TET2: variants seen among roughly 807,000 people sequenced by gnomAD.
TET2 encodes the protein tet methylcytosine dioxygenase 2.
In TET2, 299 loss-of-function variants were observed where a neutral mutation model predicts 142.9. The ratio of observed to expected loss-of-function variants is 2.09; its 90% confidence interval spans 1.90 to 2.30. The LOEUF (loss-of-function observed/expected upper bound fraction) is 2.30. TET2 is among the 30% of genes most tolerant of loss of function. The pLI is 0.00. For missense variants in TET2, 2,418 were observed against 2,378.0 expected (o/e 1.02, Z -0.35); for synonymous variants, 819 against 849.0 (o/e 0.96, Z 0.61).
chr4:105,165,734 T>C (rs1203278127), intron 1 of TET2, among the ~76,000 whole-genome samples: 1 of 152,200 alleles, frequency 6.6e-6, no homozygotes, highest in Admixed American at 6.5e-5. Context: ...TTTAGGGAAA[T>C]ACAGAACACA....
At chr4:105,241,690 C>T (rs1017262790) in intron 4 of TET2, 68 of 1,272,022 alleles carry the variant, frequency 5.3e-5, no homozygotes, top group Non-Finnish European at 6.4e-5. Flanking sequence ...GAACAGGAAT[C>T]GGCCAGCCAG....
At chr4:105,223,151 T>C (rs151097076) in intron 2 of TET2, among the ~76,000 whole-genome samples, 3 of 152,256 alleles carry the variant, frequency 2.0e-5, no homozygotes, top group Admixed American at 2.0e-4. Context: ...TCTTCACAGA[T>C]TTTTAAATAT....
At chr4:105,219,181 A>T (rs566546605) in intron 2 of TET2, among the ~76,000 whole-genome samples, 1 of 152,206 alleles carries the variant, frequency 6.6e-6, no homozygotes, top group East Asian at 1.9e-4. Context: ...GTTTAATGGC[A>T]TCTCCATTAT....
intron 1 of TET2, among the ~76,000 whole-genome samples, chr4:105,179,438 TC>T (rs1724991664): frequency 1.3e-5 from 2 of 152,202 alleles, no homozygotes; most frequent in African/African-American, 4.8e-5. Context: ...TCAGTTGCCT[TC>T]ATTCAATGCC....
rs1163323186 is a variant in TET2 at position 105,275,124 on chromosome 4, C to CCAG, written c.4624_4626dup (p.Gln1542dup). The stretch of plus-strand genomic sequence containing the variant: ...CTCTACAGAAGCAGCCACCACAGCC[C>CCAG]CAGCAGCAGCAGAGACCCCAGCAGC... On this transcript the variant is annotated inframe_insertion, in exon 11 of 11. Transcript: ENST00000380013. The CCAG allele has an allele frequency of 6.4e-7, 1 of 1,551,390 alleles. No individual in the cohort carries two copies. Among genetic ancestry groups the CCAG allele is most frequent in the Non-Finnish European group, 8.7e-7 (1 of 1,146,834 alleles).
chr4:105,148,070 AC>A (rs1224592306), intron 1 of TET2, among the ~76,000 whole-genome samples: 1 of 151,870 alleles, frequency 6.6e-6, no homozygotes, highest in Admixed American at 6.6e-5. Context: ...ACACACACAC[AC>A]ACACACACAC....
chr4:105,155,445 G>T (rs1323485405), intron 1 of TET2, among the ~76,000 whole-genome samples: 4 of 152,242 alleles, frequency 2.6e-5, no homozygotes, highest in Admixed American at 2.0e-4. Context: ...ACAAATACCA[G>T]CAGAACTTCT....
intron 2 of TET2, among the ~76,000 whole-genome samples, chr4:105,225,812 A>T (rs185677314): frequency 6.6e-6 from 1 of 152,322 alleles, no homozygotes; most frequent in Non-Finnish European, 1.5e-5. Context: ...TCTGAGTGAC[A>T]TTATCAGGGG....
At chr4:105,167,362 GTA>G (rs1018530942) in intron 1 of TET2, among the ~76,000 whole-genome samples, 4 of 151,560 alleles carry the variant, frequency 2.6e-5, no homozygotes, top group Admixed American at 6.6e-5. Flanking sequence ...AGAAAAGTGC[GTA>G]TATGTGTACA....
rs1553918708 is a variant in TET2 at position 105,276,838 on chromosome 4, T to TCTC, written c.*320_*321insTCC. 420 of 155,938 alleles carry TCTC rather than the reference T, an allele frequency of 2.7e-3. 20 individuals carry two copies. Among genetic ancestry groups the TCTC allele is most frequent in the African/African-American group, 0.014 (363 of 25,070 alleles). The allele number at this position is 155,938 out of a possible 1,614,324, so 9.7% of individuals were successfully genotyped here. A position where few individuals can be genotyped will look rare whatever the true frequency, so the allele number is the denominator to read the frequency against. On this transcript the variant is annotated 3_prime_UTR_variant, in exon 11 of 11. Coordinates refer to ENST00000380013, the MANE Select transcript of TET2 (RefSeq NM_001127208.3). ...TGGACGAGATGATATGTAAATGTGA[T>TCTC]CCCCCCCCCCCGCTTACAACTCTAC...
Position 105,234,403 on chromosome 4 carries a change from T to C in TET2, c.461T>C (p.Val154Ala), listed in dbSNP as rs747709927. Reference protein sequence around the residue: ...LSDKKESVSSVAQENAVKDFT... With the variant: ...LSDKKESVSSAAQENAVKDFT... ...GATAAGAAAGAATCTGTGAGTTCTG[T>C]AGCCCAAGAAAATGCAGTTAAAGAT... Residue 154 changes from valine to alanine, a missense_variant, in exon 3 of 11, where the codon GTA (valine) becomes GCA (alanine). Coordinates refer to ENST00000380013, the MANE Select transcript of TET2 (RefSeq NM_001127208.3). 4 of 1,614,092 alleles carry C rather than the reference T, an allele frequency of 2.5e-6. No individual in the cohort carries two copies. The highest frequency in any genetic ancestry group is 3.4e-6 in the Non-Finnish European group (4 of 1,180,014).
rs185039692 is a variant in TET2, at chr4:105,251,502, C to T, written c.3803+7724C>T. On this transcript the variant is annotated intron_variant, in intron 6 of 10. Transcript: ENST00000380013. ...TCTAATGAAATGATCATGCGTTCTT[C>T]TCCTTTATTCTATTAATATGGTATA... 1.4e-4 allele frequency among the ~76,000 whole-genome samples: 22 copies of T among 152,266 alleles called. No individual in the cohort carries two copies. In the South Asian group the frequency reaches 1.9e-3, roughly 13 times the overall value.
rs1728935541 is a variant in TET2 at position 105,236,613 on chromosome 4, C to T, written c.2671C>T (p.Gln891Ter). The change falls in exon 3 of 11, where the codon CAA (glutamine) becomes TAA (stop). Residue 891 changes from glutamine (Q) to a stop codon, truncating the protein, a stop_gained. Coordinates refer to ENST00000380013, the MANE Select transcript of TET2 (RefSeq NM_001127208.3). LOFTEE classifies it high-confidence loss of function. ...RCFQEQEQKS[Q>*]QASVLQGYKN... ...CTTTCAAGAACAGGAGCAGAAGTCA[C>T]AACAAGCTTCAGTTCTACAGGGATA... is the stretch of plus-strand genomic sequence containing the variant. The T allele has an allele frequency of 6.2e-7, 1 of 1,614,050 alleles. No homozygotes were observed. Among genetic ancestry groups the T allele is most frequent in the Non-Finnish European group, 8.5e-7 (1 of 1,180,002 alleles).
intron 2 of TET2, among the ~76,000 whole-genome samples, chr4:105,219,131 T>A (rs561054956): frequency 1.3e-5 from 2 of 152,138 alleles, no homozygotes; most frequent in Non-Finnish European, 2.9e-5. Context: ...CTGATACATA[T>A]TGAAATTTCT....
At chr4:105,219,371 A>G (rs1018852438) in intron 2 of TET2, among the ~76,000 whole-genome samples, 1 of 152,174 alleles carries the variant, frequency 6.6e-6, no homozygotes. Flanking sequence ...AAGTCTGTAC[A>G]AAACTTCTCC....
intron 1 of TET2, chr4:105,177,644 T>A (rs903388453): frequency 6.6e-6 from 1 of 152,266 alleles, no homozygotes; most frequent in Non-Finnish European, 1.5e-5. Flanking sequence ...CTGGTGAGAA[T>A]GTGGAGCAAC....
At chr4:105,233,863 AAC>A in intron 2 of TET2, 32 bp from the exon 3 acceptor site, 1 of 1,126,004 alleles carries the variant, frequency 8.9e-7, no homozygotes, top group Non-Finnish European at 1.3e-6. Flanking sequence ...GATAGAAATA[AAC>A]ACATTTTAAT....
Position 105,236,950 on chromosome 4 carries a change from G to T in TET2, c.3008G>T (p.Trp1003Leu). The change falls in exon 3 of 11, where the codon TGG becomes TTG. Residue 1003 changes from tryptophan (W) to leucine (L), a missense_variant. Transcript: ENST00000380013. Reference sequence around the variant, plus strand: ...ACAGCACCACCAGAAAACAAAACATGGAAAAAGGTAACTAAGCAAGAGAAT... The same window carrying T: ...ACAGCACCACCAGAAAACAAAACATTGAAAAAGGTAACTAAGCAAGAGAAT... ...MHTAPPENKT[W>L]KKVTKQENPP... The T allele has an allele frequency of 6.2e-7, 1 of 1,614,026 alleles. No homozygotes were observed. Among genetic ancestry groups the T allele is most frequent in the Non-Finnish European group, 8.5e-7 (1 of 1,180,018 alleles).
chr4:105,250,130 C>G (rs1315042260), intron 6 of TET2, among the ~76,000 whole-genome samples: 1 of 152,140 alleles, frequency 6.6e-6, no homozygotes, highest in African/African-American at 2.4e-5. Context: ...CCAGTTTTCT[C>G]AGCACCATTT....
Sources: gnomAD v4.1 joint callset for allele counts (sites outside exome capture counted in the v4.1 genomes callset) on GRCh38, gnomAD v4.1.1 for gene constraint, MANE v1.5 for transcripts, NCBI Gene and HGNC (gene_info 2026-07-23, HGNC 2026-07-21) for gene names.